Variants in GRIK3 observed in about 807,000 individuals in gnomAD.
GRIK3 encodes glutamate ionotropic receptor kainate type subunit 3.
A neutral mutation model predicts 102.5 loss-of-function variants in GRIK3; 29 were observed. That is an observed-to-expected ratio of 0.28 (90% CI 0.21 to 0.39). The LOEUF (loss-of-function observed/expected upper bound fraction) is 0.39, where lower values mean the gene tolerates loss of function less well. GRIK3 is among the 10% of genes least tolerant of loss of function. The pLI, the probability that GRIK3 is intolerant of heterozygous loss-of-function variation, is 1.00. For missense variants in GRIK3, 908 were observed against 1,252.4 expected, an observed-to-expected ratio of 0.73 and a Z score of 4.15; for synonymous variants, 511 against 504.9, an observed-to-expected ratio of 1.01 and a Z score of -0.16.
Position 36,819,777 on chromosome 1 carries a change from A to T in GRIK3, c.1832T>A (p.Leu611His), listed in dbSNP as rs373006769. The T allele has an allele frequency of 9.3e-6, 15 of 1,606,876 alleles. No individual in the cohort carries two copies. Among genetic ancestry groups the T allele is most frequent in the Non-Finnish European group, 1.3e-5 (15 of 1,174,056 alleles). ...TCCCATTCCAAACCAGAAGCTGTTAAGCAGAGTGAAGTTATTTTCCACCAC... is the reference window on the plus strand; with the variant it reads ...TCCCATTCCAAACCAGAAGCTGTTATGCAGAGTGAAGTTATTTTCCACCAC... The part of the protein sequence containing the change: ...SEVVENNFTL[L>H]NSFWFGMGSL... Residue 611 changes from leucine to histidine, a missense_variant, in exon 12 of 16, where the codon CTT becomes CAT. By Grantham distance (99) the Leu-to-His change is moderately conservative (BLOSUM62 -3). Transcript: ENST00000373091. This position sits in a 1 kb window ranked among gnomAD's most constrained non-coding sequence, Gnocchi z 4.1.
In GRIK3 at chr1:36,880,202, G is replaced by A. The variant is rs1264833828; in HGVS notation, c.550+432C>T. Reference sequence around the variant, plus strand: ...CACCCAGGTGGTTTGGCTCCAGTGTGTACACACTTAACACTAGGCCACGCC... The same window carrying A: ...CACCCAGGTGGTTTGGCTCCAGTGTATACACACTTAACACTAGGCCACGCC... On this transcript the variant is annotated intron_variant, in intron 3 of 15. Transcript: ENST00000373091. This position sits in a 1 kb window ranked among gnomAD's most constrained non-coding sequence, Gnocchi z 5.4. Among the ~76,000 whole-genome samples, 1 of 152,210 alleles carries A rather than the reference G, an allele frequency of 6.6e-6. No individual in the cohort carries two copies. The highest frequency in any genetic ancestry group is 6.5e-5 in the Admixed American group (1 of 15,286).
At position 36,819,479 on chromosome 1, in the gene GRIK3, C is replaced by T. The variant is rs536284550; in HGVS notation, c.1873+257G>A. 1.8e-4 allele frequency among the ~76,000 whole-genome samples: 28 copies of T among 152,352 alleles called. No individual in the cohort carries two copies. The highest frequency in any genetic ancestry group is 6.3e-4 in the African/African-American group (26 of 41,592). The stretch of plus-strand genomic sequence containing the variant: ...CAGCTGGAGCAGGAGGTGGGGGATG[C>T]GTCCCGCATGCCCTGGGCTGGGTGG... On this transcript the variant is annotated intron_variant, in intron 12 of 15. Transcript: ENST00000373091. The surrounding 1 kb of genome is among the most constrained non-coding windows in gnomAD (Gnocchi z 4.1).
At chr1:36,975,886 A>G (rs1642191048) in intron 1 of GRIK3, among the ~76,000 whole-genome samples, 1 of 152,228 alleles carries the variant, frequency 6.6e-6, no homozygotes, top group African/African-American at 2.4e-5. Context: ...TCTGTATCCC[A>G]GCATGTAGCA....
At chr1:36,923,509 TG>T (rs751735119) in intron 1 of GRIK3, among the ~76,000 whole-genome samples, 2 of 148,874 alleles carry the variant, frequency 1.3e-5, no homozygotes, top group Non-Finnish European at 3.0e-5. Context: ...AGGCCACAAA[TG>T]GGGTGGGTGG....
At chr1:36,851,550 C>G (rs1196704019) in intron 8 of GRIK3, among the ~76,000 whole-genome samples, 2 of 152,266 alleles carry the variant, frequency 1.3e-5, no homozygotes, top group Non-Finnish European at 2.9e-5. Flanking sequence ...TGGCAAACAT[C>G]TGTTCAGAGG....
chr1:36,853,021 T>C (rs577432879), intron 8 of GRIK3, among the ~76,000 whole-genome samples: 1 of 152,346 alleles, frequency 6.6e-6, no homozygotes, highest in African/African-American at 2.4e-5. Flanking sequence ...CCCGCTTTCC[T>C]GGTCCAAACT....
At chr1:37,014,409 C>T (rs1642630335) in intron 1 of GRIK3, among the ~76,000 whole-genome samples, 1 of 152,240 alleles carries the variant, frequency 6.6e-6, no homozygotes, top group South Asian at 2.1e-4. Flanking sequence ...AGCTGAACCG[C>T]AGACCAGCTT....
At chr1:36,955,891 G>C (rs1004439177) in intron 1 of GRIK3, among the ~76,000 whole-genome samples, 1 of 152,250 alleles carries the variant, frequency 6.6e-6, no homozygotes, top group African/African-American at 2.4e-5. Flanking sequence ...CTGGTGTTTT[G>C]GCTGGCCAGC....
rs758583070 is a variant in GRIK3 at position 36,880,841 on chromosome 1, C to A, written c.343G>T (p.Gly115Cys). ...GVVAIFGPSQGSCTNAVQSIC... is the reference protein window; with the variant it reads ...GVVAIFGPSQCSCTNAVQSIC... Reference sequence around the variant, plus strand: ...GACTGGACGGCATTGGTGCAGGAGCCCTGTGATGGGCCGAAGATCGCCACC... The same window carrying A: ...GACTGGACGGCATTGGTGCAGGAGCACTGTGATGGGCCGAAGATCGCCACC... The change falls in exon 3 of 16, where the codon GGC becomes TGC. Residue 115 changes from glycine to cysteine, a missense_variant. Transcript: ENST00000373091. The surrounding 1 kb of genome is among the most constrained non-coding windows in gnomAD (Gnocchi z 5.4). 1.9e-6 allele frequency: 3 copies of A among 1,613,908 alleles called. No homozygotes were observed. The highest frequency in any genetic ancestry group is 8.5e-7 in the Non-Finnish European group (1 of 1,179,888).
At chr1:36,931,249 TGAATA>T (rs1209464790) in intron 1 of GRIK3, among the ~76,000 whole-genome samples, 11 of 152,306 alleles carry the variant, frequency 7.2e-5, no homozygotes, top group African/African-American at 2.6e-4. Context: ...GGAACATGAC[TGAATA>T]GAAGTAGAAA....
chr1:37,002,670 C>CTTTTTTT (rs57712253), intron 1 of GRIK3, among the ~76,000 whole-genome samples: 4 of 135,246 alleles, frequency 3.0e-5, no homozygotes, highest in Admixed American at 7.5e-5. Flanking sequence ...TTCTTTCTTT[C>CTTTTTTT]TTTTTTTTTT....
At position 36,853,738 on chromosome 1, in the gene GRIK3, G is replaced by C. The variant is rs72913542; in HGVS notation, c.1105-16C>G. 5 of 1,393,982 alleles carry C rather than the reference G, an allele frequency of 3.6e-6. No individual in the cohort carries two copies. In the African/African-American group the frequency reaches 7.0e-5, roughly 20 times the overall value. The allele number at this position is 1,393,982 out of a possible 1,614,324, so 86.4% of individuals were successfully genotyped here. On this transcript the variant is annotated splice_polypyrimidine_tract_variant and intron_variant, in intron 7 of 15. Coordinates refer to ENST00000373091, the MANE Select transcript of GRIK3 (RefSeq NM_000831.4). ...CCCATTGAGCCTGCGGAGGGGAGAG[G>C]GCAGAGCGGCAATTCCTCGGGCTTA...
chr1:36,992,616 G>A (rs1041988102), intron 1 of GRIK3, among the ~76,000 whole-genome samples: 1 of 152,156 alleles, frequency 6.6e-6, no homozygotes, highest in Non-Finnish European at 1.5e-5. Context: ...AGACATGATG[G>A]TTGATGGATG....
intron 13 of GRIK3, among the ~76,000 whole-genome samples, chr1:36,810,596 C>T (rs1642550872): frequency 6.6e-6 from 1 of 152,126 alleles, no homozygotes; most frequent in Non-Finnish European, 1.5e-5. Context: ...TATAGCAATT[C>T]CAAAGGGAGC....
chr1:36,954,002 C>T (rs757227085), intron 1 of GRIK3, among the ~76,000 whole-genome samples: 1 of 152,176 alleles, frequency 6.6e-6, no homozygotes, highest in Non-Finnish European at 1.5e-5. Context: ...CTCCTTCCTT[C>T]GTGCCAGCTG....
At chr1:37,023,291 C>T (rs1365724778) in intron 1 of GRIK3, among the ~76,000 whole-genome samples, 2 of 149,590 alleles carry the variant, frequency 1.3e-5, no homozygotes, top group Non-Finnish European at 3.0e-5. Context: ...CACGCCACTG[C>T]ACTCCAGCCT....
intron 13 of GRIK3, among the ~76,000 whole-genome samples, chr1:36,811,758 G>A (rs2124183413): frequency 6.6e-6 from 1 of 152,210 alleles, no homozygotes; most frequent in East Asian, 1.9e-4. Flanking sequence ...GGAAGAGAAA[G>A]CCTTTGACCT....
intron 1 of GRIK3, among the ~76,000 whole-genome samples, chr1:37,013,751 G>A (rs149294674): frequency 7.9e-5 from 12 of 152,352 alleles, no homozygotes; most frequent in Admixed American, 2.0e-4. Flanking sequence ...ATGCAGAGGA[G>A]GGAGAATGAG....
At chr1:36,804,038 T>C (rs1445701212) in intron 15 of GRIK3, among the ~76,000 whole-genome samples, 1 of 152,252 alleles carries the variant, frequency 6.6e-6, no homozygotes, top group Non-Finnish European at 1.5e-5. Flanking sequence ...AGTACCTGCA[T>C]AGACTTCCCT....
Sources: allele counts gnomAD v4.1 joint callset (sites outside exome capture counted in the v4.1 genomes callset), GRCh38; gene constraint gnomAD v4.1.1; non-coding constraint Gnocchi (gnomAD v3.1); transcripts MANE v1.5; gene names NCBI Gene and HGNC (gene_info 2026-07-23, HGNC 2026-07-21).